OCSTAMP: variants seen among roughly 807,000 people sequenced by gnomAD.
OCSTAMP encodes transmembrane protein C20orf123.
A neutral mutation model predicts 25.2 loss-of-function variants in OCSTAMP; 17 were observed. The observed-to-expected ratio is 0.68, with a 90% CI of 0.46 to 1.01. The LOEUF (loss-of-function observed/expected upper bound fraction) is 1.01, where lower values mean the gene tolerates loss of function less well. Ranked by LOEUF, OCSTAMP falls within the 50% of genes least tolerant of loss-of-function variation. OCSTAMP has a pLI of 0.00. For synonymous variants in OCSTAMP, 345 were observed against 318.9 expected, an observed-to-expected ratio of 1.08 and a Z score of -0.87; for missense variants, 664 against 694.6, an observed-to-expected ratio of 0.96 and a Z score of 0.50.
In OCSTAMP at chr20:46,541,860, A is replaced by T; in HGVS notation, c.1115T>A (p.Leu372His). The T allele has an allele frequency of 6.8e-7, 1 of 1,469,152 alleles. No individual in the cohort carries two copies. The highest frequency in any genetic ancestry group is 9.0e-7 in the Non-Finnish European group (1 of 1,114,642). 91.0% of individuals were successfully genotyped at this position (1,469,152 alleles called of 1,614,324 possible). A position where few individuals can be genotyped will look rare whatever the true frequency, so the allele number is the denominator to read the frequency against. ...CCATTGGTAGGAGCTGTGGACGGAG[A>T]GGAAGGGGCTCTCCGGAGCCAGCTG... Reference protein sequence around the residue: ...FNQLAPESPFLSVHSSYQWEL... With the variant: ...FNQLAPESPFHSVHSSYQWEL... Residue 372 changes from leucine (L) to histidine (H), a missense_variant, in exon 3 of 3, where the codon CTC (leucine) becomes CAC (histidine). Leu to His is a moderately conservative substitution (Grantham distance 99, BLOSUM62 -3). Coordinates refer to ENST00000279028, the MANE Select transcript of OCSTAMP (RefSeq NM_080721.3).
chr20:46,541,707 C>A lies in OCSTAMP; in HGVS notation c.1268G>T (p.Arg423Leu), dbSNP rs192777855. The change falls in exon 3 of 3, where the codon CGC (arginine) becomes CTC (leucine). Residue 423 changes from arginine to leucine, a missense_variant. By Grantham distance (102) the Arg-to-Leu change is moderately radical. Transcript: ENST00000279028. ...GSTVLLEAYARRLRHAIAASF... is the reference protein window; with the variant it reads ...GSTVLLEAYALRLRHAIAASF... ...AGCGGCGATGGCATGCCGCAGGCGG[C>A]GGGCGTAGGCCTCCAGGAGCACCGT... 3.4e-4 allele frequency: 527 copies of A among 1,548,600 alleles called. 2 individuals are homozygous for A. In the African/African-American group the frequency reaches 6.3e-3, roughly 18 times the overall value.
chr20:46,543,002 CA>C (rs1260152623), intron 2 of OCSTAMP, among the ~76,000 whole-genome samples: 2 of 152,180 alleles, frequency 1.3e-5, no homozygotes, highest in African/African-American at 4.8e-5. Flanking sequence ...ATGCTGGAAA[CA>C]ATGGTGGGGC....
At position 46,541,688 on chromosome 20, in the gene OCSTAMP, G is replaced by A. The variant is rs986870567; in HGVS notation, c.1287C>T (p.Ile429=). ...CCTGGGCTGTGAAGAAGGAAGCGGC[G>A]ATGGCATGCCGCAGGCGGCGGGCGT... ...EAYARRLRHA[I]AASFFTAQEA... Residue 429 remains isoleucine, a synonymous_variant, in exon 3 of 3, where the codon ATC becomes ATT. Coordinates refer to ENST00000279028, the MANE Select transcript of OCSTAMP (RefSeq NM_080721.3). 2 of 1,549,928 alleles carry A rather than the reference G, an allele frequency of 1.3e-6. No individual in the cohort carries two copies. Among genetic ancestry groups the A allele is most frequent in the African/African-American group, 2.7e-5 (2 of 73,062 alleles).
chr20:46,546,495 A>G (rs1433324708), intron 1 of OCSTAMP, among the ~76,000 whole-genome samples, 166 bp from the exon 2 acceptor site: 2 of 152,230 alleles, frequency 1.3e-5, no homozygotes, highest in Non-Finnish European at 2.9e-5. Context: ...CCCACGTGAC[A>G]CAAGCTGAAC....
rs201890675 is a variant in OCSTAMP at position 46,541,259 on chromosome 20, A to C, written c.*15T>G. 4 of 717,206 alleles carry C rather than the reference A, an allele frequency of 5.6e-6. No homozygotes were observed. In the African/African-American group the frequency reaches 7.0e-5, roughly 13 times the overall value. 44.4% of individuals were successfully genotyped at this position (717,206 alleles called of 1,614,324 possible). ...CTGCACTCCTTGTCTTCGCCTTTGCATGGTTCTTTACCGGTTATCCAGGCC... is the reference window on the plus strand; with the variant it reads ...CTGCACTCCTTGTCTTCGCCTTTGCCTGGTTCTTTACCGGTTATCCAGGCC... On this transcript the variant is annotated 3_prime_UTR_variant, in exon 3 of 3. Coordinates refer to ENST00000279028, the MANE Select transcript of OCSTAMP (RefSeq NM_080721.3).
chr20:46,549,554 G>A (rs2061863740), intron 1 of OCSTAMP, among the ~76,000 whole-genome samples: 1 of 152,198 alleles, frequency 6.6e-6, no homozygotes, highest in Non-Finnish European at 1.5e-5. Flanking sequence ...AGGCTCCCTG[G>A]AAGAGGTGAC....
rs1419196700 is a variant in OCSTAMP at position 46,545,495 on chromosome 20, C to T, written c.879G>A (p.Gln293=). 4 of 1,551,420 alleles carry T rather than the reference C, an allele frequency of 2.6e-6. No homozygotes were observed. Among genetic ancestry groups the T allele is most frequent in the African/African-American group, 2.7e-5 (2 of 73,050 alleles). The change falls in exon 2 of 3, where the codon CAG becomes CAA. Residue 293 remains glutamine (Q), a synonymous_variant. Coordinates refer to ENST00000279028, the MANE Select transcript of OCSTAMP (RefSeq NM_080721.3). ...TTAGAAGACAACTCAACAGCTCCTC[C>T]TGTGACAGCCTCAGCTGAGCCGCCT... ...LLQAAQLRLS[Q]EELLSCLLRL... is the part of the protein sequence containing the mutation.
Position 46,541,512 on chromosome 20 carries a change from G to T in OCSTAMP, c.1463C>A (p.Ala488Asp), listed in dbSNP as rs1290452670. 1 of 1,551,704 alleles carries T rather than the reference G, an allele frequency of 6.4e-7. No homozygotes were observed. Among genetic ancestry groups the T allele is most frequent in the South Asian group, 1.2e-5 (1 of 84,070 alleles). ...TCCCTCACTGCTCTCGGTTCTTAAG[G>T]CATCCAGCCTGTAGTCTATCCATGC... ...PPAWIDYRLDALRTESSEGEG... is the reference protein window; with the variant it reads ...PPAWIDYRLDDLRTESSEGEG... Residue 488 changes from alanine (A) to aspartate (D), a missense_variant, in exon 3 of 3, where the codon GCC becomes GAC. Physicochemically the swap from Ala to Asp is moderately radical, Grantham distance 126. Coordinates refer to ENST00000279028, the MANE Select transcript of OCSTAMP (RefSeq NM_080721.3).
chr20:46,541,439 A>G lies in OCSTAMP; in HGVS notation c.1536T>C (p.Gly512=), dbSNP rs1175149941. ...AGGTCACACAGGGAGGCGGCACAGG[A>G]CCAAGGTTACAACTCAGGTCTCTGC... ...WSCRDLSCNL[G]PVPPPCVTLG... is the part of the protein sequence containing the mutation. The change falls in exon 3 of 3, where the codon GGT becomes GGC. Residue 512 remains glycine (G), a synonymous_variant. Transcript: ENST00000279028. 2.6e-6 allele frequency: 4 copies of G among 1,511,694 alleles called. No individual in the cohort carries two copies. The highest frequency in any genetic ancestry group is 1.4e-5 in the African/African-American group (1 of 72,302). 93.6% of individuals were successfully genotyped at this position (1,511,694 alleles called of 1,614,324 possible). A position where few individuals can be genotyped will look rare whatever the true frequency, so the allele number is the denominator to read the frequency against.
In OCSTAMP at chr20:46,541,252, C is replaced by A. The variant is rs1459200123; in HGVS notation, c.*22G>T. The A allele has an allele frequency of 5.6e-6, 4 of 714,836 alleles. No homozygotes were observed. The highest frequency in any genetic ancestry group is 1.0e-5 in the Non-Finnish European group (4 of 382,946). 44.3% of individuals were successfully genotyped at this position (714,836 alleles called of 1,614,324 possible). On this transcript the variant is annotated 3_prime_UTR_variant, in exon 3 of 3. Coordinates refer to ENST00000279028, the MANE Select transcript of OCSTAMP (RefSeq NM_080721.3). ...GCTCTCTCTGCACTCCTTGTCTTCG[C>A]CTTTGCATGGTTCTTTACCGGTTAT... is the stretch of plus-strand genomic sequence containing the variant.
Position 46,541,355 on chromosome 20 carries a change from T to C in OCSTAMP, c.1620A>G (p.Ile540Met). ...PRFLHLHNDS[I>M]FTIDVTYFPR... ...GGAAGTAGGTCACATCAATGGTAAA[T>C]ATGCTGTCGTTATGCAGATGTAGAA... Residue 540 changes from isoleucine (I) to methionine (M), a missense_variant, in exon 3 of 3, where the codon ATA (isoleucine) becomes ATG (methionine). By Grantham distance (10) the Ile-to-Met change is conservative. Coordinates refer to ENST00000279028, the MANE Select transcript of OCSTAMP (RefSeq NM_080721.3). The C allele has an allele frequency of 1.3e-6, 1 of 794,794 alleles. No individual in the cohort carries two copies. The highest frequency in any genetic ancestry group is 2.2e-6 in the Non-Finnish European group (1 of 454,978). The allele number at this position is 794,794 out of a possible 1,614,324, so 49.2% of individuals were successfully genotyped here. A position where few individuals can be genotyped will look rare whatever the true frequency, so the allele number is the denominator to read the frequency against.
Position 46,541,804 on chromosome 20 carries a change from G to A in OCSTAMP, c.1171C>T (p.Leu391=). The A allele has an allele frequency of 1.3e-6, 2 of 1,486,112 alleles. No homozygotes were observed. Among genetic ancestry groups the A allele is most frequent in the Non-Finnish European group, 1.8e-6 (2 of 1,122,296 alleles). 92.1% of individuals were successfully genotyped at this position (1,486,112 alleles called of 1,614,324 possible). A position where few individuals can be genotyped will look rare whatever the true frequency, so the allele number is the denominator to read the frequency against. Residue 391 remains leucine (L), a synonymous_variant, in exon 3 of 3, where the codon CTG becomes TTG. Coordinates refer to ENST00000279028, the MANE Select transcript of OCSTAMP (RefSeq NM_080721.3). ...ELRLTSARCP[L]LPARRPRAAA... is the part of the protein sequence containing the mutation. ...GCGCGGGGACGCCGGGCGGGTAGCA[G>A]TGGGCAGCGGGCGGAGGTGAGGCGG...
At chr20:46,549,808 C>CTGTG (rs3971980) in intron 1 of OCSTAMP, among the ~76,000 whole-genome samples, 13 of 149,152 alleles carry the variant, frequency 8.7e-5, no homozygotes, top group East Asian at 2.0e-4. Context: ...GTGGCCCACT[C>CTGTG]TGTGTGTGTG....
intron 1 of OCSTAMP, among the ~76,000 whole-genome samples, chr20:46,549,497 G>T (rs1490508467): frequency 1.3e-5 from 2 of 152,196 alleles, no homozygotes; most frequent in Non-Finnish European, 2.9e-5. Context: ...GGCCTGGACT[G>T]GGGTGGGATA....
At position 46,541,613 on chromosome 20, in the gene OCSTAMP, G is replaced by C; in HGVS notation, c.1362C>G (p.Asp454Glu). The C allele has an allele frequency of 6.4e-7, 1 of 1,551,548 alleles. No homozygotes were observed. The highest frequency in any genetic ancestry group is 8.7e-7 in the Non-Finnish European group (1 of 1,146,984). Residue 454 changes from aspartate to glutamate, a missense_variant, in exon 3 of 3, where the codon GAC (aspartate) becomes GAG (glutamate). Asp to Glu is a conservative substitution (Grantham distance 45, BLOSUM62 2). Transcript: ENST00000279028. The part of the protein sequence containing the change: ...HLHARLQRRH[D>E]RHQGQQLPLG... ...GGGGCAGCTGCTGGCCTTGGTGCCT[G>C]TCGTGTCTTCGCTGGAGCCGGGCGT...
In OCSTAMP at chr20:46,546,266, G is replaced by A; in HGVS notation, c.108C>T (p.Ala36=). The change falls in exon 2 of 3, where the codon GCC becomes GCT. Residue 36 remains alanine, a synonymous_variant. Transcript: ENST00000279028. ...ALAPLQAAWD[A]FSQPVPASCG... is the part of the protein sequence containing the mutation. ...AGCTGGCTGGAACAGGCTGGGAGAA[G>A]GCGTCCCAGGCAGCCTGCAGTGGGG... 5 of 1,550,728 alleles carry A rather than the reference G, an allele frequency of 3.2e-6. No homozygotes were observed. Among genetic ancestry groups the A allele is most frequent in the Non-Finnish European group, 4.4e-6 (5 of 1,146,936 alleles).
At chr20:46,548,937 A>G (rs2061861687) in intron 1 of OCSTAMP, among the ~76,000 whole-genome samples, 1 of 152,192 alleles carries the variant, frequency 6.6e-6, no homozygotes, top group African/African-American at 2.4e-5. Context: ...AGCTGGTAGG[A>G]AGATGCCTCA....
intron 1 of OCSTAMP, among the ~76,000 whole-genome samples, chr20:46,550,074 G>T (rs73908930): frequency 0.019 from 2,818 of 152,214 alleles, 101 homozygotes; most frequent in African/African-American, 0.064. Flanking sequence ...GCTCCCGAAG[G>T]CATTTGAATT....
intron 2 of OCSTAMP, among the ~76,000 whole-genome samples, 200 bp downstream of exon 2, chr20:46,545,127 G>C (rs955233972): frequency 3.3e-5 from 5 of 152,140 alleles, no homozygotes; most frequent in African/African-American, 1.2e-4. Flanking sequence ...ACTGCAATAG[G>C]AAGTGAAAAT....
Sources: gnomAD v4.1 joint callset for allele counts (sites outside exome capture counted in the v4.1 genomes callset) on GRCh38, gnomAD v4.1.1 for gene constraint, MANE v1.5 for transcripts, NCBI Gene and HGNC (gene_info 2026-07-23, HGNC 2026-07-21) for gene names.